The following IFNGR1 variants were observed in gnomAD, a reference collection of about 807,000 sequenced individuals.
IFNGR1 encodes interferon gamma receptor 1, also known as AVP, type 2.
In IFNGR1, 23 loss-of-function variants were observed where a neutral mutation model predicts 35.4. That is an observed-to-expected ratio of 0.65 (90% CI 0.47 to 0.92). The LOEUF is 0.92. Ranked by LOEUF, IFNGR1 falls within the 40% of genes least tolerant of loss-of-function variation. The probability of loss-of-function intolerance (pLI) is 0.00; values close to 1 mark genes in which losing one functional copy is unlikely to be tolerated. For missense variants in IFNGR1, 533 were observed against 583.4 expected (o/e 0.91, Z 0.89); for synonymous variants, 199 against 209.5 (o/e 0.95, Z 0.43).
In IFNGR1 at chr6:137,213,693, C is replaced by T. The variant is rs17181499; in HGVS notation, c.85+5550G>A. ...TCACAAAGGACCAAAAAATAGCAGT[C>T]GTGATAGCTCTGCAATAAATGTTGG... On this transcript the variant is annotated intron_variant, in intron 1 of 6. Coordinates refer to ENST00000367739, the MANE Select transcript of IFNGR1 (RefSeq NM_000416.3). Among the ~76,000 whole-genome samples the T allele has an allele frequency of 2.8e-4, 43 of 152,258 alleles. No homozygotes were observed. The South Asian group carries it at 3.1e-3, about 11-fold the overall frequency.
chr6:137,214,800 GA>G (rs1240842589), intron 1 of IFNGR1, among the ~76,000 whole-genome samples: 1 of 152,094 alleles, frequency 6.6e-6, no homozygotes, highest in African/African-American at 2.4e-5. Flanking sequence ...TTGAGGAAAT[GA>G]AAAAACAATG....
At chr6:137,210,895 T>G (rs189892925) in intron 1 of IFNGR1, among the ~76,000 whole-genome samples, 1 of 152,232 alleles carries the variant, frequency 6.6e-6, no homozygotes, top group Non-Finnish European at 1.5e-5. Flanking sequence ...TTACAATTAT[T>G]TAACACATAT....
chr6:137,219,084 G>T, intron 1 of IFNGR1, 159 bp downstream of exon 1: 1 of 882,752 alleles, frequency 1.1e-6, no homozygotes, highest in Non-Finnish European at 1.7e-6. Flanking sequence ...CCCCAGTCTC[G>T]CGACCCCACC....
intron 1 of IFNGR1, among the ~76,000 whole-genome samples, chr6:137,208,257 G>C (rs1779491155): frequency 1.3e-5 from 2 of 152,190 alleles, no homozygotes; most frequent in Non-Finnish European, 2.9e-5. Context: ...TAAAAGTTTG[G>C]AAAATTTGCA....
At chr6:137,219,169 G>T in intron 1 of IFNGR1, 74 bp downstream of exon 1, 1 of 1,534,394 alleles carries the variant, frequency 6.5e-7, no homozygotes, top group Non-Finnish European at 8.8e-7. Flanking sequence ...GCGGGGCGGG[G>T]CTTCCCGGCT....
At position 137,204,341 on chromosome 6, in the gene IFNGR1, G is replaced by A. The variant is rs376811918; in HGVS notation, c.537C>T (p.Asn179=). The change falls in exon 4 of 7, where the codon AAC becomes AAT. Residue 179 remains asparagine (N), a synonymous_variant. Transcript: ENST00000367739. ...AATGTGAAACACATACCTCACTTCC[G>A]TTCATTCTCACATACACATTGTACA... ...IRVYNVYVRM[N]GSEIQYKILT... 49 of 1,613,094 alleles carry A rather than the reference G, an allele frequency of 3.0e-5. No homozygotes were observed. Among genetic ancestry groups the A allele is most frequent in the Middle Eastern group, 3.3e-4 (2 of 6,076 alleles).
intron 6 of IFNGR1, among the ~76,000 whole-genome samples, chr6:137,199,488 T>C (rs1335339288): frequency 9.7e-6 from 1 of 103,626 alleles, no homozygotes; most frequent in Non-Finnish European, 1.8e-5. Flanking sequence ...TAATTTATAA[T>C]ATATTATATA....
chr6:137,214,482 G>A (rs1437865401), intron 1 of IFNGR1, among the ~76,000 whole-genome samples: 2 of 152,116 alleles, frequency 1.3e-5, no homozygotes, highest in African/African-American at 4.8e-5. Context: ...TCTTCTAATT[G>A]AAATTTTTCT....
chr6:137,198,367 A>T lies in IFNGR1; in HGVS notation c.1134T>A (p.Ser378Arg). 1 of 1,613,610 alleles carries T rather than the reference A, an allele frequency of 6.2e-7. No individual in the cohort carries two copies. Among genetic ancestry groups the T allele is most frequent in the Non-Finnish European group, 8.5e-7 (1 of 1,179,850 alleles). ...ACTGGTTACTACTTAAAGGTGAAGA[A>T]CTCTCTCTCTCTATTGGAGTCAGAT... is the stretch of plus-strand genomic sequence containing the variant. Reference protein sequence around the residue: ...GSHLTPIERESSSPLSSNQSE... With the variant: ...GSHLTPIERERSSPLSSNQSE... Residue 378 changes from serine to arginine, a missense_variant, in exon 7 of 7, where the codon AGT becomes AGA. Physicochemically the swap from Ser to Arg is moderately radical, Grantham distance 110. Transcript: ENST00000367739.
At chr6:137,217,034 C>T (rs1179676315) in intron 1 of IFNGR1, among the ~76,000 whole-genome samples, 1 of 152,128 alleles carries the variant, frequency 6.6e-6, no homozygotes, top group African/African-American at 2.4e-5. Flanking sequence ...CTCATAGGGC[C>T]CCGTATTCAG....
intron 4 of IFNGR1, 37 bp from the exon 5 acceptor site, chr6:137,203,722 T>C: frequency 6.5e-7 from 1 of 1,546,168 alleles, no homozygotes; most frequent in Non-Finnish European, 8.8e-7. Flanking sequence ...ATGCACAGCT[T>C]CTTTTAATCT....
intron 1 of IFNGR1, among the ~76,000 whole-genome samples, chr6:137,210,746 A>AT (rs1161442527): frequency 6.6e-6 from 1 of 152,230 alleles, no homozygotes; most frequent in African/African-American, 2.4e-5. Flanking sequence ...CACACTGCTA[A>AT]ATACTTCAGA....
At chr6:137,198,759 T>C (rs1779164324) in intron 6 of IFNGR1, 120 bp from the exon 7 acceptor site, 1 of 740,168 alleles carries the variant, frequency 1.4e-6, no homozygotes, top group African/African-American at 1.8e-5. Flanking sequence ...AATGGGTGAA[T>C]CAGATGTTGC....
chr6:137,213,120 T>G (rs1002642673), intron 1 of IFNGR1, among the ~76,000 whole-genome samples: 2 of 152,230 alleles, frequency 1.3e-5, no homozygotes, highest in African/African-American at 4.8e-5. Context: ...AGGTTTAAAT[T>G]GTTATATATT....
chr6:137,217,051 G>A (rs549955733), intron 1 of IFNGR1, among the ~76,000 whole-genome samples: 1 of 152,312 alleles, frequency 6.6e-6, no homozygotes, highest in African/African-American at 2.4e-5. Flanking sequence ...TCAGAAGGAA[G>A]GGCCTGGCAC....
Position 137,197,888 on chromosome 6 carries a change from T to C in IFNGR1, c.*143A>G, listed in dbSNP as rs1386405898. On this transcript the variant is annotated 3_prime_UTR_variant, in exon 7 of 7. Coordinates refer to ENST00000367739, the MANE Select transcript of IFNGR1 (RefSeq NM_000416.3). ...AAAGTGAAAATGCCACACATCCTCT[T>C]TACGCTTTCATGTACACTAAGTCAC... 1.8e-5 allele frequency: 20 copies of C among 1,104,846 alleles called. No individual in the cohort carries two copies. Among genetic ancestry groups the C allele is most frequent in the Non-Finnish European group, 2.7e-5 (20 of 754,034 alleles). 68.4% of individuals were successfully genotyped at this position (1,104,846 alleles called of 1,614,324 possible). A position where few individuals can be genotyped will look rare whatever the true frequency, so the allele number is the denominator to read the frequency against.
At chr6:137,202,577 A>T (rs1779302809) in intron 5 of IFNGR1, among the ~76,000 whole-genome samples, 1 of 149,986 alleles carries the variant, frequency 6.7e-6, no homozygotes, top group South Asian at 2.1e-4. Context: ...ATTCTAAAAA[A>T]ATCCTAAGGA....
intron 1 of IFNGR1, among the ~76,000 whole-genome samples, chr6:137,216,277 G>A (rs1267726832): frequency 1.3e-5 from 2 of 152,198 alleles, no homozygotes; most frequent in Non-Finnish European, 2.9e-5. Context: ...TCCAGTTGGT[G>A]TGAAGTCCAG....
chr6:137,215,396 G>C (rs371860687), intron 1 of IFNGR1: 1 of 1,420,988 alleles, frequency 7.0e-7, no homozygotes, highest in East Asian at 2.5e-5. Context: ...GTTGAACAAT[G>C]CATTAAAATG....
Sources: gnomAD v4.1 joint callset for allele counts (sites outside exome capture counted in the v4.1 genomes callset) on GRCh38, gnomAD v4.1.1 for gene constraint, MANE v1.5 for transcripts, NCBI Gene and HGNC (gene_info 2026-07-23, HGNC 2026-07-21) for gene names.